The following ARHGAP44 variants were observed in gnomAD, a reference collection of about 807,000 sequenced individuals.
ARHGAP44 encodes the protein Rho GTPase activating protein 44.
In ARHGAP44, 43 loss-of-function variants were observed where a neutral mutation model predicts 106.8. The observed-to-expected ratio is 0.40, with a 90% CI of 0.32 to 0.52. The LOEUF (loss-of-function observed/expected upper bound fraction) is 0.52, where lower values mean the gene tolerates loss of function less well. ARHGAP44 is among the 20% of genes least tolerant of loss of function. The probability of loss-of-function intolerance (pLI) is 0.48; values close to 1 mark genes in which losing one functional copy is unlikely to be tolerated. For missense variants in ARHGAP44, 866 were observed against 1,050.5 expected, an observed-to-expected ratio of 0.82 and a Z score of 2.43; for synonymous variants, 439 against 410.3, an observed-to-expected ratio of 1.07 and a Z score of -0.85.
At position 12,949,036 on chromosome 17, in the gene ARHGAP44, C is replaced by A; in HGVS notation, c.862-104C>A. 8.9e-7 allele frequency: 1 copy of A among 1,120,928 alleles called. No homozygotes were observed. The highest frequency in any genetic ancestry group is 1.3e-6 in the Non-Finnish European group (1 of 769,926). The allele number at this position is 1,120,928 out of a possible 1,614,324, so 69.4% of individuals were successfully genotyped here. A position where few individuals can be genotyped will look rare whatever the true frequency, so the allele number is the denominator to read the frequency against. ...ATTGGGAGATGGTGTTGGGCAAATG[C>A]ATGTAAGAGGTTTTGGAGAAAAGAA... On this transcript the variant is annotated intron_variant, in intron 10 of 20. Coordinates refer to ENST00000379672, the MANE Select transcript of ARHGAP44 (RefSeq NM_014859.6). This position sits in a 1 kb window ranked among gnomAD's most constrained non-coding sequence, Gnocchi z 4.1.
chr17:12,965,036 C>T (rs1209380381), intron 16 of ARHGAP44, among the ~76,000 whole-genome samples: 1 of 152,188 alleles, frequency 6.6e-6, no homozygotes, highest in East Asian at 1.9e-4. Flanking sequence ...CTGCACTTGC[C>T]TGCTGGCTTG....
intron 6 of ARHGAP44, among the ~76,000 whole-genome samples, chr17:12,926,498 T>C (rs968557363): frequency 2.8e-4 from 40 of 143,934 alleles, no homozygotes; most frequent in Middle Eastern, 7.2e-3. Context: ...GTATAATATA[T>C]GTATATATAT....
chr17:12,904,556 A>G (rs905280477), intron 3 of ARHGAP44, among the ~76,000 whole-genome samples: 3 of 152,210 alleles, frequency 2.0e-5, no homozygotes, highest in African/African-American at 7.2e-5. Context: ...ACTTGAGTAA[A>G]TACATTTTGT....
Position 12,894,271 on chromosome 17 carries a change from C to T in ARHGAP44, c.54-669C>T, listed in dbSNP as rs1035564639. 4.1e-5 allele frequency among the ~76,000 whole-genome samples: 6 copies of T among 147,106 alleles called. No homozygotes were observed. The East Asian group carries it at 8.1e-4, about 20-fold the overall frequency. On this transcript the variant is annotated intron_variant, in intron 1 of 20. Transcript: ENST00000379672. ...GTGTGTGTGTGTGTGCACGTGCGTG[C>T]GTGTTGTCAGATAAAGAGAGAGTGA...
At position 12,949,238 on chromosome 17, in the gene ARHGAP44, C is replaced by T. The variant is rs1287321746; in HGVS notation, c.960C>T (p.Pro320=). 1 of 1,562,662 alleles carries T rather than the reference C, an allele frequency of 6.4e-7. No homozygotes were observed. Among genetic ancestry groups the T allele is most frequent in the Non-Finnish European group, 8.7e-7 (1 of 1,153,516 alleles). Residue 320 remains proline, a synonymous_variant, in exon 11 of 21, where the codon CCC becomes CCT. Coordinates refer to ENST00000379672, the MANE Select transcript of ARHGAP44 (RefSeq NM_014859.6). The surrounding 1 kb of genome is among the most constrained non-coding windows in gnomAD (Gnocchi z 4.1). The part of the protein sequence containing the change: ...VVDVQEYSAD[P]HAIAGALKSY... The stretch of plus-strand genomic sequence containing the variant: ...ATGTGCAGGAGTACTCGGCAGACCC[C>T]CACGCAATTGCAGGTGGGCACCTCT...
chr17:12,858,559 A>G lies in ARHGAP44; in HGVS notation c.54-36381A>G, dbSNP rs1472636889. On this transcript the variant is annotated intron_variant, in intron 1 of 20. Transcript: ENST00000379672. Reference sequence around the variant, plus strand: ...AAGTAGCAAAAGGGGGCAAATTAGGATAAACTAAAGAAAAATAACTCCCAG... The same window carrying G: ...AAGTAGCAAAAGGGGGCAAATTAGGGTAAACTAAAGAAAAATAACTCCCAG... 4.6e-5 allele frequency among the ~76,000 whole-genome samples: 7 copies of G among 152,216 alleles called. No individual in the cohort carries two copies. The East Asian group carries it at 1.3e-3, about 29-fold the overall frequency.
intron 1 of ARHGAP44, among the ~76,000 whole-genome samples, chr17:12,836,171 G>T (rs1381898428): frequency 6.6e-6 from 1 of 152,186 alleles, no homozygotes; most frequent in Non-Finnish European, 1.5e-5. Flanking sequence ...AAGTGGGAAT[G>T]ACTGGCAACT....
At chr17:12,983,781 G>A (rs1054402313) in intron 19 of ARHGAP44, among the ~76,000 whole-genome samples, 2 of 152,064 alleles carry the variant, frequency 1.3e-5, no homozygotes, top group African/African-American at 2.4e-5. Flanking sequence ...TCCAGCCTGG[G>A]CGACAAAAGC....
intron 13 of ARHGAP44, among the ~76,000 whole-genome samples, chr17:12,954,141 G>T (rs148387017): frequency 6.6e-6 from 1 of 150,930 alleles, no homozygotes; most frequent in Non-Finnish European, 1.5e-5. Flanking sequence ...CAGGTGATCC[G>T]CCCGCCTCGG....
chr17:12,874,590 G>A (rs981687816), intron 1 of ARHGAP44, among the ~76,000 whole-genome samples: 2 of 152,210 alleles, frequency 1.3e-5, no homozygotes, highest in Admixed American at 6.5e-5. Flanking sequence ...AATTAGCAGG[G>A]TGTGGTGGTG....
intron 18 of ARHGAP44, among the ~76,000 whole-genome samples, chr17:12,976,430 T>C (rs1041807018): frequency 7.2e-5 from 11 of 151,988 alleles, no homozygotes; most frequent in Admixed American, 3.3e-4. Context: ...CTGGCCAACA[T>C]GGTGAAACCC....
intron 1 of ARHGAP44, among the ~76,000 whole-genome samples, chr17:12,829,638 G>A (rs1252760572): frequency 6.6e-6 from 1 of 152,046 alleles, no homozygotes; most frequent in Admixed American, 6.5e-5. Flanking sequence ...TGACCTGTTC[G>A]TATTGACATA....
intron 5 of ARHGAP44, among the ~76,000 whole-genome samples, chr17:12,917,652 T>C (rs2037958447): frequency 6.6e-6 from 1 of 152,086 alleles, no homozygotes; most frequent in African/African-American, 2.4e-5. Flanking sequence ...TCACTAGCCT[T>C]TGAGGCATCC....
At position 12,832,503 on chromosome 17, in the gene ARHGAP44, C is replaced by T. The variant is rs542505835; in HGVS notation, c.53+42612C>T. Among the ~76,000 whole-genome samples, 52 of 152,194 alleles carry T rather than the reference C, an allele frequency of 3.4e-4. 1 individual carries two copies. The highest frequency in any genetic ancestry group is 6.0e-4 in the Non-Finnish European group (41 of 68,030). On this transcript the variant is annotated intron_variant, in intron 1 of 20. Transcript: ENST00000379672. ...TAGCTTCATGACTCCTGAGCCATAA[C>T]TTCTAACCTTCTGGCTAATTTGTTA...
rs1213321042 is a variant in ARHGAP44, at chr17:12,789,558, G to T, written c.-281G>T. The T allele has an allele frequency of 1.3e-5, 3 of 226,012 alleles. No individual in the cohort carries two copies. Among genetic ancestry groups the T allele is most frequent in the Non-Finnish European group, 2.6e-5 (3 of 116,396 alleles). 14.0% of individuals were successfully genotyped at this position (226,012 alleles called of 1,614,324 possible). On this transcript the variant is annotated 5_prime_UTR_variant, in exon 1 of 21. Coordinates refer to ENST00000379672, the MANE Select transcript of ARHGAP44 (RefSeq NM_014859.6). ...GACTGGGACTGGGAGCAGGCAGCCC[G>T]GGCGGAGCGGGCCGGTGCCGAGGAC...
At chr17:12,989,714 T>C (rs547650647) in intron 20 of ARHGAP44, among the ~76,000 whole-genome samples, 6 of 152,198 alleles carry the variant, frequency 3.9e-5, no homozygotes, top group Admixed American at 3.3e-4. Flanking sequence ...AAAGGTGTCA[T>C]TGAGACCTAC....
At chr17:12,848,068 G>A (rs1300088982) in intron 1 of ARHGAP44, among the ~76,000 whole-genome samples, 1 of 152,138 alleles carries the variant, frequency 6.6e-6, no homozygotes, top group Non-Finnish European at 1.5e-5. Context: ...CTGTTCTATA[G>A]ATATAGATAG....
intron 1 of ARHGAP44, among the ~76,000 whole-genome samples, chr17:12,891,953 G>A (rs948071608): frequency 2.8e-5 from 4 of 143,288 alleles, no homozygotes; most frequent in African/African-American, 7.9e-5. Context: ...GCACCACCAC[G>A]CCCGGCTAAT....
chr17:12,860,716 C>G (rs1005557269), intron 1 of ARHGAP44, among the ~76,000 whole-genome samples: 2 of 152,176 alleles, frequency 1.3e-5, no homozygotes, highest in Non-Finnish European at 2.9e-5. Flanking sequence ...CTTCCCTACT[C>G]TTGAGCCGTG....
Sources: allele counts gnomAD v4.1 joint callset (sites outside exome capture counted in the v4.1 genomes callset), GRCh38; gene constraint gnomAD v4.1.1; non-coding constraint Gnocchi (gnomAD v3.1); transcripts MANE v1.5; gene names NCBI Gene and HGNC (gene_info 2026-07-23, HGNC 2026-07-21).